L1TD1: variants seen among roughly 807,000 people sequenced by gnomAD.
The protein encoded by L1TD1 is LINE-1 type transposase domain-containing protein 1.
L1TD1 carries 26 observed loss-of-function variants against 25.7 expected under a neutral mutation model. That is an observed-to-expected ratio of 1.01 (90% CI 0.74 to 1.40). L1TD1 has a LOEUF of 1.40. Among genes scored for constraint, L1TD1 ranks in the 40% most tolerant of loss-of-function variants. The pLI, the probability that L1TD1 is intolerant of heterozygous loss-of-function variation, is 0.00. For synonymous variants in L1TD1, 421 were observed against 335.6 expected (o/e 1.25, Z -2.78); for missense variants, 1,130 against 975.0 (o/e 1.16, Z -2.12).
chr1:62,205,362 G>A (rs1178850220), intron 2 of L1TD1, among the ~76,000 whole-genome samples: 15 of 128,982 alleles, frequency 1.2e-4, no homozygotes, highest in Non-Finnish European at 1.8e-4. Flanking sequence ...TAAAACCAAC[G>A]AAAACTCTCT....
chr1:62,209,965 T>A lies in L1TD1; in HGVS notation c.1191T>A (p.Asp397Glu), dbSNP rs145595018. ...LDEEASGMED[D>E]EDTSGLEEEE... ...AAGAGGCCTCAGGGATGGAGGATGA[T>A]GAAGATACCTCAGGGCTGGAGGAGG... The change falls in exon 4 of 4, where the codon GAT (aspartate) becomes GAA (glutamate). Residue 397 changes from aspartate (D) to glutamate (E), a missense_variant. Transcript: ENST00000498273. 3.7e-6 allele frequency: 6 copies of A among 1,610,580 alleles called. No individual in the cohort carries two copies. The African/African-American group carries it at 6.8e-5, about 18-fold the overall frequency.
chr1:62,210,814 G>T lies in L1TD1; in HGVS notation c.2040G>T (p.Met680Ile). Residue 680 changes from methionine (M) to isoleucine (I), a missense_variant, in exon 4 of 4, where the codon ATG becomes ATT. Transcript: ENST00000498273. ...AATTCTCTAAGGATACAATGCAAAT[G>T]ACCAAACAGATAATTAGTAAAGAAA... ...IEEFSKDTMQ[M>I]TKQIISKERQ... The T allele has an allele frequency of 6.5e-7, 1 of 1,549,484 alleles. No individual in the cohort carries two copies.
In L1TD1 at chr1:62,205,386, T is replaced by TCC. The variant is rs1557443410; in HGVS notation, c.-110-1132_-110-1131insCC. ...CGAAAACTCTCTTTCTCTCTCTCTC[T>TCC]CTTTCTCTCTCTCTCTCTCTCTCTC... On this transcript the variant is annotated intron_variant, in intron 2 of 3. Transcript: ENST00000498273. Among the ~76,000 whole-genome samples the TCC allele has an allele frequency of 5.7e-4, 30 of 52,672 alleles. 2 individuals are homozygous for TCC. The highest frequency in any genetic ancestry group is 2.6e-3 in the African/African-American group (30 of 11,498). The allele number at this position is 52,672 out of a possible 152,430, so 34.6% of individuals were successfully genotyped here.
chr1:62,207,496 A>G lies in L1TD1; in HGVS notation c.868A>G (p.Ile290Val). Reference protein sequence around the residue: ...VKLAFKCDGEIKTFSDLQSLR... With the variant: ...VKLAFKCDGEVKTFSDLQSLR... ...ATTAGCATTTAAATGTGATGGTGAA[A>G]TAAAGACATTTTCAGATCTGCAAAG... The change falls in exon 3 of 4, where the codon ATA becomes GTA. Residue 290 changes from isoleucine (I) to valine (V), a missense_variant. Physicochemically the swap from Ile to Val is conservative, Grantham distance 29. Coordinates refer to ENST00000498273, the MANE Select transcript of L1TD1 (RefSeq NM_019079.5). 1 of 1,551,390 alleles carries G rather than the reference A, an allele frequency of 6.4e-7. No homozygotes were observed. The highest frequency in any genetic ancestry group is 8.7e-7 in the Non-Finnish European group (1 of 1,146,894).
chr1:62,195,101 G>C (rs563892731), intron 1 of L1TD1, among the ~76,000 whole-genome samples, 180 bp downstream of exon 1: 5 of 151,960 alleles, frequency 3.3e-5, no homozygotes, highest in African/African-American at 9.6e-5. Flanking sequence ...GTCTAGGCGC[G>C]TGGGGTCCGC....
At chr1:62,204,096 A>C (rs553356419) in intron 2 of L1TD1, among the ~76,000 whole-genome samples, 75 of 152,324 alleles carry the variant, frequency 4.9e-4, no homozygotes, top group African/African-American at 1.7e-3. Flanking sequence ...TTCTGATTTA[A>C]TTATGAAAGT....
intron 2 of L1TD1, among the ~76,000 whole-genome samples, chr1:62,205,791 G>T (rs749898949): frequency 6.6e-6 from 1 of 151,922 alleles, no homozygotes; most frequent in South Asian, 2.1e-4. Context: ...GAGTGCAGGG[G>T]CACAATCACA....
rs1670862869 is a variant in L1TD1 at position 62,211,211 on chromosome 1, G to A, written c.2437G>A (p.Val813Ile). ...AAGTAAATGGAGCAATGTCTTCAAA[G>A]TTCTGCTGGAAAAAGGCTTTAATCC... ...ARSKWSNVFK[V>I]LLEKGFNPRI... The change falls in exon 4 of 4, where the codon GTT (valine) becomes ATT (isoleucine). Residue 813 changes from valine (V) to isoleucine (I), a missense_variant. By Grantham distance (29) the Val-to-Ile change is conservative. Transcript: ENST00000498273. 1.3e-6 allele frequency: 2 copies of A among 1,555,742 alleles called. No homozygotes were observed. Among genetic ancestry groups the A allele is most frequent in the Non-Finnish European group, 1.7e-6 (2 of 1,149,004 alleles).
intron 1 of L1TD1, among the ~76,000 whole-genome samples, chr1:62,195,469 A>T (rs1356015430): frequency 6.6e-6 from 1 of 152,224 alleles, no homozygotes; most frequent in African/African-American, 2.4e-5. Context: ...AAAAGGATGG[A>T]GGGGCCGGGA....
chr1:62,210,740 A>T lies in L1TD1; in HGVS notation c.1966A>T (p.Met656Leu), dbSNP rs1030102894. Reference sequence around the variant, plus strand: ...TTCAGTAGATGATCTGAGTAGCAGAATGGACATACTTGAAGAAAGAATAGA... The same window carrying T: ...TTCAGTAGATGATCTGAGTAGCAGATTGGACATACTTGAAGAAAGAATAGA... ...ENSVDDLSSRMDILEERIDSL... is the reference protein window; with the variant it reads ...ENSVDDLSSRLDILEERIDSL... The change falls in exon 4 of 4, where the codon ATG (methionine) becomes TTG (leucine). Residue 656 changes from methionine to leucine, a missense_variant. Physicochemically the swap from Met to Leu is conservative, Grantham distance 15 (BLOSUM62 2). Transcript: ENST00000498273. 4 of 1,551,536 alleles carry T rather than the reference A, an allele frequency of 2.6e-6. No homozygotes were observed. Among genetic ancestry groups the T allele is most frequent in the Non-Finnish European group, 3.5e-6 (4 of 1,146,974 alleles).
chr1:62,203,609 C>T (rs573641492), intron 2 of L1TD1, among the ~76,000 whole-genome samples: 4 of 152,088 alleles, frequency 2.6e-5, no homozygotes, highest in African/African-American at 7.2e-5. Context: ...GACGGAGTCT[C>T]GCTCTGACGC....
At chr1:62,195,470 G>A (rs1315840986) in intron 1 of L1TD1, among the ~76,000 whole-genome samples, 1 of 152,240 alleles carries the variant, frequency 6.6e-6, no homozygotes, top group Non-Finnish European at 1.5e-5. Context: ...AAAGGATGGA[G>A]GGGCCGGGAG....
chr1:62,204,282 G>A (rs1670694522), intron 2 of L1TD1, among the ~76,000 whole-genome samples: 1 of 151,914 alleles, frequency 6.6e-6, no homozygotes, highest in Admixed American at 6.6e-5. Context: ...CCTTGATCTG[G>A]TAATTTAACT....
chr1:62,201,263 A>G lies in L1TD1; in HGVS notation c.-111+4735A>G, dbSNP rs568656607. On this transcript the variant is annotated intron_variant, in intron 2 of 3. Transcript: ENST00000498273. ...TTTATTGTAGCGTTTATTGGACACA[A>G]TAAAGGCACAATTGTTATCAGAAAA... is the stretch of plus-strand genomic sequence containing the variant. Among the ~76,000 whole-genome samples the G allele has an allele frequency of 3.3e-5, 5 of 152,270 alleles. No homozygotes were observed. In the East Asian group the frequency reaches 9.6e-4, roughly 29 times the overall value.
chr1:62,198,139 G>T (rs188409067), intron 2 of L1TD1, among the ~76,000 whole-genome samples: 270 of 151,700 alleles, frequency 1.8e-3, no homozygotes, highest in Non-Finnish European at 2.6e-3. Flanking sequence ...GTCGAAGTTG[G>T]CATTCTCCTT....
Position 62,200,557 on chromosome 1 carries a change from G to A in L1TD1, c.-111+4029G>A, listed in dbSNP as rs530366895. Among the ~76,000 whole-genome samples the A allele has an allele frequency of 5.4e-4, 82 of 152,150 alleles. 2 individuals are homozygous for A. In the South Asian group the frequency reaches 0.015, roughly 27 times the overall value. On this transcript the variant is annotated intron_variant, in intron 2 of 3. Coordinates refer to ENST00000498273, the MANE Select transcript of L1TD1 (RefSeq NM_019079.5). Reference sequence around the variant, plus strand: ...TATCTATTCTATATAATCCCATCGTGTGCATAAATCATCATTTGTTCCACC... The same window carrying A: ...TATCTATTCTATATAATCCCATCGTATGCATAAATCATCATTTGTTCCACC...
chr1:62,210,799 G>A lies in L1TD1; in HGVS notation c.2025G>A (p.Lys675=), dbSNP rs1296039533. The A allele has an allele frequency of 2.8e-5, 43 of 1,550,072 alleles. No individual in the cohort carries two copies. The highest frequency in any genetic ancestry group is 3.8e-5 in the Non-Finnish European group (43 of 1,146,652). ...SLEDQIEEFS[K]DTMQMTKQII... is the part of the protein sequence containing the mutation. The stretch of plus-strand genomic sequence containing the variant: ...AAGATCAAATTGAAGAATTCTCTAA[G>A]GATACAATGCAAATGACCAAACAGA... Residue 675 remains lysine, a synonymous_variant, in exon 4 of 4, where the codon AAG becomes AAA. Coordinates refer to ENST00000498273, the MANE Select transcript of L1TD1 (RefSeq NM_019079.5).
In L1TD1 at chr1:62,207,111, C is replaced by T. The variant is rs146985714; in HGVS notation, c.483C>T (p.Pro161=). 1.3e-5 allele frequency: 21 copies of T among 1,604,182 alleles called. No individual in the cohort carries two copies. The East Asian group carries it at 1.3e-4, about 10-fold the overall frequency. ...EYNSNDGKKL[P]QGESRSYEVM... ...ATAGTAATGATGGTAAGAAATTACC[C>T]CAGGGTGAATCACGAAGTTACGAAG... The change falls in exon 3 of 4, where the codon CCC becomes CCT. Residue 161 remains proline (P), a synonymous_variant. Transcript: ENST00000498273.
chr1:62,203,575 TG>T (rs1456057511), intron 2 of L1TD1, among the ~76,000 whole-genome samples: 13 of 151,780 alleles, frequency 8.6e-5, no homozygotes, highest in African/African-American at 2.9e-4. Context: ...CCACCACGTC[TG>T]GCTAATGTTT....
Sources: gnomAD v4.1 joint callset for allele counts (sites outside exome capture counted in the v4.1 genomes callset) on GRCh38, gnomAD v4.1.1 for gene constraint, MANE v1.5 for transcripts, NCBI Gene and HGNC (gene_info 2026-07-23, HGNC 2026-07-21) for gene names.